ZNF804A: variants seen among roughly 807,000 people sequenced by gnomAD.
ZNF804A encodes the protein zinc finger protein 804A.
In ZNF804A, 2 loss-of-function variants were observed where a neutral mutation model predicts 16.5. The ratio of observed to expected loss-of-function variants is 0.12; its 90% CI spans 0.05 to 0.38. The LOEUF is 0.38. Among genes scored for constraint, ZNF804A ranks in the 10% least tolerant of loss-of-function variants. The pLI, the probability that ZNF804A is intolerant of heterozygous loss-of-function variation, is 0.99. For missense variants in ZNF804A, 1,473 were observed against 1,390.7 expected (o/e 1.06, Z -0.94); for synonymous variants, 534 against 489.6 (o/e 1.09, Z -1.20).
chr2:184,660,349 A>T (rs1228303566), intron 1 of ZNF804A, among the ~76,000 whole-genome samples: 1 of 152,118 alleles, frequency 6.6e-6, no homozygotes, highest in Non-Finnish European at 1.5e-5. Flanking sequence ...AATACTTTAT[A>T]AAAAAAATCT....
intron 1 of ZNF804A, among the ~76,000 whole-genome samples, chr2:184,860,162 G>C (rs932045679): frequency 6.6e-6 from 1 of 152,218 alleles, no homozygotes; most frequent in Admixed American, 6.5e-5. Context: ...GGGTCCTCCG[G>C]AGTCCAGGGC....
intron 1 of ZNF804A, among the ~76,000 whole-genome samples, chr2:184,679,612 T>C (rs11898500): frequency 0.072 from 10,949 of 152,256 alleles, 1,331 homozygotes; most frequent in African/African-American, 0.25. Context: ...AGGCCTGCTC[T>C]GATTTCAGAG....
chr2:184,616,092 C>T (rs1481547012), intron 1 of ZNF804A, among the ~76,000 whole-genome samples: 3 of 152,040 alleles, frequency 2.0e-5, no homozygotes, highest in African/African-American at 7.2e-5. Flanking sequence ...TATTTATTTA[C>T]TTTTTTGCTG....
chr2:184,889,616 A>G (rs951930581), intron 2 of ZNF804A, among the ~76,000 whole-genome samples: 1 of 151,882 alleles, frequency 6.6e-6, no homozygotes, highest in Non-Finnish European at 1.5e-5. Flanking sequence ...ACATGCATAT[A>G]TTCGTTTCTT....
intron 1 of ZNF804A, among the ~76,000 whole-genome samples, chr2:184,613,525 G>T (rs1691271657): frequency 6.6e-6 from 1 of 152,132 alleles, no homozygotes; most frequent in South Asian, 2.1e-4. Context: ...GGCAAAACCT[G>T]AAGTAACTCA....
At chr2:184,688,733 GTTTC>G (rs1692683180) in intron 1 of ZNF804A, among the ~76,000 whole-genome samples, 1 of 151,996 alleles carries the variant, frequency 6.6e-6, no homozygotes, top group Non-Finnish European at 1.5e-5. Flanking sequence ...AAATAACAAT[GTTTC>G]TTTGTGCTAA....
intron 1 of ZNF804A, among the ~76,000 whole-genome samples, chr2:184,664,716 A>T (rs146915168): frequency 6.6e-5 from 10 of 152,260 alleles, no homozygotes; most frequent in South Asian, 4.1e-4. Context: ...CAATGCTATC[A>T]TGTTTACATT....
intron 1 of ZNF804A, among the ~76,000 whole-genome samples, chr2:184,616,384 A>G (rs1208187069): frequency 1.3e-5 from 2 of 152,188 alleles, no homozygotes; most frequent in Non-Finnish European, 1.5e-5. Flanking sequence ...TATACATATT[A>G]TATGTAATTA....
chr2:184,732,412 CA>C (rs2105748244), intron 1 of ZNF804A, among the ~76,000 whole-genome samples: 1 of 152,104 alleles, frequency 6.6e-6, no homozygotes, highest in South Asian at 2.1e-4. Context: ...ATTTTTTCAC[CA>C]ATACTACACT....
chr2:184,631,731 A>G (rs1376827729), intron 1 of ZNF804A, among the ~76,000 whole-genome samples: 2 of 152,222 alleles, frequency 1.3e-5, no homozygotes, highest in African/African-American at 4.8e-5. Context: ...TAATTTTAAC[A>G]TGCAGATTTC....
At chr2:184,859,056 G>T (rs930027470) in intron 1 of ZNF804A, among the ~76,000 whole-genome samples, 1 of 151,950 alleles carries the variant, frequency 6.6e-6, no homozygotes, top group Non-Finnish European at 1.5e-5. Flanking sequence ...TATGTTATTC[G>T]ATTCTTTTTT....
intron 2 of ZNF804A, among the ~76,000 whole-genome samples, chr2:184,895,181 G>T (rs548979379): frequency 3.3e-5 from 5 of 151,548 alleles, no homozygotes; most frequent in African/African-American, 1.2e-4. Flanking sequence ...CTGAAGCATC[G>T]GTCTTTTTAT....
chr2:184,730,749 G>A (rs997036605), intron 1 of ZNF804A, among the ~76,000 whole-genome samples: 10 of 151,770 alleles, frequency 6.6e-5, no homozygotes, highest in Admixed American at 3.3e-4. Context: ...GTCTGGATGT[G>A]CCATGGTTTA....
intron 1 of ZNF804A, among the ~76,000 whole-genome samples, chr2:184,763,304 G>A (rs1344319536): frequency 6.6e-6 from 1 of 152,026 alleles, no homozygotes; most frequent in Non-Finnish European, 1.5e-5. Flanking sequence ...TTATAACAAG[G>A]AAAATCTGGA....
intron 1 of ZNF804A, among the ~76,000 whole-genome samples, chr2:184,806,682 T>C (rs1369057611): frequency 6.6e-6 from 1 of 151,870 alleles, no homozygotes; most frequent in Non-Finnish European, 1.5e-5. Context: ...TATTGTATAT[T>C]AATATGTGAC....
intron 1 of ZNF804A, among the ~76,000 whole-genome samples, chr2:184,819,177 A>T (rs1046029824): frequency 6.6e-5 from 10 of 151,780 alleles, no homozygotes; most frequent in Admixed American, 4.6e-4. Context: ...GAAGTAAAAC[A>T]CTCCTCAGCA....
intron 1 of ZNF804A, among the ~76,000 whole-genome samples, chr2:184,659,486 A>C (rs1010417353): frequency 6.6e-6 from 1 of 151,972 alleles, no homozygotes; most frequent in Non-Finnish European, 1.5e-5. Flanking sequence ...AAACAAATAT[A>C]TATACATATA....
intron 1 of ZNF804A, among the ~76,000 whole-genome samples, chr2:184,669,948 A>G (rs1192422337): frequency 1.3e-5 from 2 of 152,076 alleles, no homozygotes; most frequent in Non-Finnish European, 2.9e-5. Flanking sequence ...TTTGTTAATT[A>G]TTTCAGTGAT....
At chr2:184,674,313 A>C (rs575295276) in intron 1 of ZNF804A, among the ~76,000 whole-genome samples, 1 of 152,024 alleles carries the variant, frequency 6.6e-6, no homozygotes, top group Admixed American at 6.6e-5. Context: ...GGAAACTAAT[A>C]ATCTTAAAGC....
Sources: gnomAD v4.1 joint callset for allele counts (sites outside exome capture counted in the v4.1 genomes callset) on GRCh38, gnomAD v4.1.1 for gene constraint, MANE v1.5 for transcripts, NCBI Gene and HGNC (gene_info 2026-07-23, HGNC 2026-07-21) for gene names.